Variants in GPC6 observed in about 807,000 individuals in gnomAD.
The protein encoded by GPC6 is glypican-6.
In GPC6, 14 loss-of-function variants were observed where a neutral mutation model predicts 55.2. The observed-to-expected ratio is 0.25, with a 90% CI of 0.17 to 0.40. The LOEUF (loss-of-function observed/expected upper bound fraction) is 0.40, where lower values mean the gene tolerates loss of function less well. Among genes scored for constraint, GPC6 ranks in the 10% least tolerant of loss-of-function variants. The pLI, the probability that GPC6 is intolerant of heterozygous loss-of-function variation, is 1.00. For missense variants in GPC6, 641 were observed against 708.5 expected, an observed-to-expected ratio of 0.90 and a Z score of 1.08; for synonymous variants, 278 against 259.6, an observed-to-expected ratio of 1.07 and a Z score of -0.68.
intron 4 of GPC6, among the ~76,000 whole-genome samples, chr13:94,040,075 A>G (rs945138273): frequency 6.6e-6 from 1 of 151,890 alleles, no homozygotes; most frequent in African/African-American, 2.4e-5. Context: ...CAGTCAGTTC[A>G]AGAGGAAATT....
chr13:94,265,750 AT>A (rs1891781908), intron 4 of GPC6, among the ~76,000 whole-genome samples: 1 of 152,194 alleles, frequency 6.6e-6, no homozygotes, highest in Non-Finnish European at 1.5e-5. Context: ...ATGGGGCCAA[AT>A]TACAAGAAAA....
intron 3 of GPC6, among the ~76,000 whole-genome samples, chr13:93,870,338 C>T (rs1889092245): frequency 6.6e-6 from 1 of 151,862 alleles, no homozygotes; most frequent in South Asian, 2.1e-4. Flanking sequence ...TATGAGGATG[C>T]ATGCCACTAT....
intron 1 of GPC6, among the ~76,000 whole-genome samples, chr13:93,245,088 AT>A (rs1398781715): frequency 6.6e-6 from 1 of 152,182 alleles, no homozygotes; most frequent in East Asian, 1.9e-4. Context: ...CTGATTAGGT[AT>A]TAACAACTGC....
chr13:94,138,176 T>A (rs540855), intron 4 of GPC6, among the ~76,000 whole-genome samples: 64,671 of 151,968 alleles, frequency 0.43, 15,244 homozygotes, highest in Middle Eastern at 0.57. Context: ...TGGAGCATTT[T>A]GGATTTCGGG....
chr13:93,991,087 G>A (rs1881285134), intron 3 of GPC6, among the ~76,000 whole-genome samples: 1 of 151,924 alleles, frequency 6.6e-6, no homozygotes, highest in African/African-American at 2.4e-5. Flanking sequence ...AATCAGAATG[G>A]ACACAATAGA....
chr13:93,318,736 C>T (rs958335218), intron 1 of GPC6, among the ~76,000 whole-genome samples: 1 of 152,056 alleles, frequency 6.6e-6, no homozygotes, highest in Non-Finnish European at 1.5e-5. Flanking sequence ...TGGGAGAGGA[C>T]AGCAATTGGC....
chr13:94,155,163 C>G (rs867178302), intron 4 of GPC6, among the ~76,000 whole-genome samples: 4 of 152,268 alleles, frequency 2.6e-5, no homozygotes, highest in Middle Eastern at 6.8e-3. Context: ...ACCTACAAGG[C>G]ATTTTTGGTG....
chr13:93,887,939 A>G (rs1875443238), intron 3 of GPC6, among the ~76,000 whole-genome samples: 1 of 152,274 alleles, frequency 6.6e-6, no homozygotes, highest in East Asian at 1.9e-4. Context: ...GTTGTGGCTT[A>G]TGGCCAGCAG....
At chr13:93,800,833 T>G (rs527946325) in intron 2 of GPC6, among the ~76,000 whole-genome samples, 2 of 152,344 alleles carry the variant, frequency 1.3e-5, no homozygotes, top group Non-Finnish European at 2.9e-5. Flanking sequence ...CTCCCATATT[T>G]CATATTCTAA....
chr13:93,461,739 CT>C (rs925157643), intron 1 of GPC6, among the ~76,000 whole-genome samples: 3 of 152,088 alleles, frequency 2.0e-5, no homozygotes, highest in Non-Finnish European at 4.4e-5. Context: ...TGTTACCAGC[CT>C]ATTGTTCCCA....
intron 2 of GPC6, among the ~76,000 whole-genome samples, chr13:93,607,739 A>C (rs1878300143): frequency 6.6e-6 from 1 of 152,156 alleles, no homozygotes; most frequent in Admixed American, 6.5e-5. Context: ...CACAGCCTTC[A>C]TCACCACTGC....
chr13:93,646,460 C>T (rs1258801979), intron 2 of GPC6, among the ~76,000 whole-genome samples: 1 of 151,908 alleles, frequency 6.6e-6, no homozygotes, highest in Non-Finnish European at 1.5e-5. Context: ...AAATCTGTTC[C>T]GTAATGATGT....
intron 1 of GPC6, among the ~76,000 whole-genome samples, chr13:93,276,458 C>CAGAGAGAG (rs144297308): frequency 2.8e-3 from 331 of 117,448 alleles, no homozygotes; most frequent in Admixed American, 6.6e-3. Flanking sequence ...CTGGCCTTTT[C>CAGAGAGAG]AGAGAGAGAG....
At chr13:94,382,020 T>C (rs1046166372) in intron 6 of GPC6, among the ~76,000 whole-genome samples, 2 of 152,224 alleles carry the variant, frequency 1.3e-5, no homozygotes, top group African/African-American at 2.4e-5. Flanking sequence ...TATCTCTTGG[T>C]GCATTTGTTT....
chr13:94,158,346 A>G (rs561151558), intron 4 of GPC6, among the ~76,000 whole-genome samples: 117 of 150,690 alleles, frequency 7.8e-4, no homozygotes, highest in African/African-American at 2.2e-3. Context: ...GAGTTGAATA[A>G]TTACCCTTTC....
At chr13:93,358,742 A>T (rs1204397635) in intron 1 of GPC6, among the ~76,000 whole-genome samples, 1 of 152,168 alleles carries the variant, frequency 6.6e-6, no homozygotes, top group African/African-American at 2.4e-5. Flanking sequence ...TTTCATTCAT[A>T]TCTTTTGGGA....
chr13:93,405,216 G>T (rs946629805), intron 1 of GPC6, among the ~76,000 whole-genome samples: 1 of 152,070 alleles, frequency 6.6e-6, no homozygotes, highest in Non-Finnish European at 1.5e-5. Flanking sequence ...GTCCACACGT[G>T]TTCTTTTTTG....
chr13:94,104,972 A>G (rs1234264308), intron 4 of GPC6, among the ~76,000 whole-genome samples: 3 of 152,162 alleles, frequency 2.0e-5, no homozygotes, highest in Non-Finnish European at 4.4e-5. Context: ...ACTACTTTAA[A>G]GTTCATATGG....
chr13:93,561,458 T>C (rs1406716604), intron 2 of GPC6, among the ~76,000 whole-genome samples: 1 of 148,470 alleles, frequency 6.7e-6, no homozygotes, highest in Non-Finnish European at 1.5e-5. Context: ...AATACTGTTT[T>C]CTTTTCCATT....
Sources: gnomAD v4.1 joint callset for allele counts (sites outside exome capture counted in the v4.1 genomes callset) on GRCh38, gnomAD v4.1.1 for gene constraint, MANE v1.5 for transcripts, NCBI Gene and HGNC (gene_info 2026-07-23, HGNC 2026-07-21) for gene names.